The following BEND6 variants were observed in gnomAD, a reference collection of about 807,000 sequenced individuals.
BEND6 encodes the protein BEN domain containing 6, also known as BEN domain-containing protein 6.
A neutral mutation model predicts 31.8 loss-of-function variants in BEND6; 24 were observed. The ratio of observed to expected loss-of-function variants is 0.75; its 90% CI spans 0.55 to 1.06. The LOEUF is 1.06. BEND6 is among the 50% of genes least tolerant of loss of function. The probability of loss-of-function intolerance (pLI) is 0.00; values close to 1 mark genes in which losing one functional copy is unlikely to be tolerated. For synonymous variants in BEND6, 109 were observed against 114.6 expected, an observed-to-expected ratio of 0.95 and a Z score of 0.31; for missense variants, 294 against 327.4, an observed-to-expected ratio of 0.90 and a Z score of 0.79.
At chr6:56,960,853 T>C (rs1011993322) in intron 1 of BEND6, among the ~76,000 whole-genome samples, 13 of 152,244 alleles carry the variant, frequency 8.5e-5, no homozygotes, top group Non-Finnish European at 1.6e-4. Context: ...ATCTTTAAAA[T>C]GTTTTTGTAG....
intron 2 of BEND6, among the ~76,000 whole-genome samples, chr6:56,984,921 T>C (rs1826202365): frequency 6.6e-6 from 1 of 152,222 alleles, no homozygotes; most frequent in Non-Finnish European, 1.5e-5. Context: ...ATAAAAGTAA[T>C]TGGCTTTTTC....
At chr6:57,015,932 AC>A (rs1827545736) in intron 4 of BEND6, among the ~76,000 whole-genome samples, 1 of 152,152 alleles carries the variant, frequency 6.6e-6, no homozygotes, top group African/African-American at 2.4e-5. Flanking sequence ...CAATCTGAGA[AC>A]CAAAGGCATA....
intron 2 of BEND6, among the ~76,000 whole-genome samples, chr6:56,992,139 A>G (rs1826527813): frequency 6.6e-6 from 1 of 152,228 alleles, no homozygotes; most frequent in Non-Finnish European, 1.5e-5. Context: ...CACTGAAGTT[A>G]GGCAGAAATT....
chr6:56,993,399 A>T (rs1406890678), intron 3 of BEND6, among the ~76,000 whole-genome samples: 1 of 152,238 alleles, frequency 6.6e-6, no homozygotes, highest in African/African-American at 2.4e-5. Flanking sequence ...GGTACAAGAA[A>T]GTGAGGCAGA....
At chr6:56,968,312 C>CTTTTTTTTTTTTTTTTTTTTTTTTTTT (rs779756084) in intron 1 of BEND6, among the ~76,000 whole-genome samples, 5 of 65,988 alleles carry the variant, frequency 7.6e-5, no homozygotes, top group Non-Finnish European at 1.0e-4. Flanking sequence ...TCTTTCTTTT[C>CTTTTTTTTTTTTTTTTTTTTTTTTTTT]TTTTTTTTTT....
intron 3 of BEND6, chr6:57,004,775 T>A: frequency 2.0e-6 from 2 of 1,007,324 alleles, no homozygotes; most frequent in South Asian, 2.5e-5. Flanking sequence ...AATGAGCAGG[T>A]GAAATCCATC....
In BEND6 at chr6:57,021,183, G is replaced by A. The variant is rs937401686; in HGVS notation, c.*9+2626G>A. Among the ~76,000 whole-genome samples, 34 of 152,148 alleles carry A rather than the reference G, an allele frequency of 2.2e-4. 1 individual carries two copies. Among genetic ancestry groups the A allele is most frequent in the Non-Finnish European group, 4.4e-5 (3 of 68,028 alleles). ...GCAAATATCTTTCATTTTAAGTATG[G>A]TTGAATTCAAATTATTGCAAAAAGG... On this transcript the variant is annotated intron_variant, in intron 6 of 6. Coordinates refer to ENST00000370746, the MANE Select transcript of BEND6 (RefSeq NM_152731.3).
At chr6:56,970,780 T>G (rs963684893) in intron 1 of BEND6, among the ~76,000 whole-genome samples, 1 of 152,196 alleles carries the variant, frequency 6.6e-6, no homozygotes, top group African/African-American at 2.4e-5. Flanking sequence ...ATATTCTAAA[T>G]AAGGTCTGAT....
intron 3 of BEND6, among the ~76,000 whole-genome samples, chr6:57,000,856 C>T (rs996017420): frequency 1.5e-5 from 2 of 136,916 alleles, no homozygotes; most frequent in African/African-American, 2.8e-5. Context: ...GATTCTTGGG[C>T]ATTCAACCAA....
At chr6:56,997,968 TG>T (rs1826787857) in intron 3 of BEND6, among the ~76,000 whole-genome samples, 1 of 150,746 alleles carries the variant, frequency 6.6e-6, no homozygotes, top group African/African-American at 2.4e-5. Flanking sequence ...AGCGTGTGTG[TG>T]GGGGTGGGGG....
At chr6:56,989,523 G>A (rs1826413606) in intron 2 of BEND6, among the ~76,000 whole-genome samples, 1 of 152,170 alleles carries the variant, frequency 6.6e-6, no homozygotes, top group Admixed American at 6.6e-5. Flanking sequence ...AACTTTACAA[G>A]ATAATGTCAA....
chr6:56,987,159 T>C (rs145956264), intron 2 of BEND6, among the ~76,000 whole-genome samples: 1,528 of 152,140 alleles, frequency 0.01, 27 homozygotes, highest in African/African-American at 0.035. Context: ...TTTGTATTTT[T>C]AGTAGAGACG....
chr6:57,006,096 T>A (rs1408071827), intron 3 of BEND6, among the ~76,000 whole-genome samples: 1 of 152,220 alleles, frequency 6.6e-6, no homozygotes, highest in East Asian at 1.9e-4. Flanking sequence ...GTTCAAGCCC[T>A]GCTCTGCCAC....
At chr6:57,010,886 A>G (rs1827320774) in intron 3 of BEND6, 2 of 642,028 alleles carry the variant, frequency 3.1e-6, no homozygotes, top group Non-Finnish European at 3.9e-6. Context: ...TAAAATTAAA[A>G]GATAAACACT....
intron 3 of BEND6, among the ~76,000 whole-genome samples, chr6:56,997,716 G>C (rs934320160): frequency 3.9e-5 from 6 of 152,096 alleles, no homozygotes; most frequent in Non-Finnish European, 7.3e-5. Context: ...ACCACGCCTG[G>C]CTAATTTTTT....
At position 56,992,535 on chromosome 6, in the gene BEND6, A is replaced by G; in HGVS notation, c.278A>G (p.Gln93Arg). The change falls in exon 3 of 7, where the codon CAG becomes CGG. Residue 93 changes from glutamine (Q) to arginine (R), a missense_variant. By Grantham distance (43) the Gln-to-Arg change is conservative (BLOSUM62 1). Transcript: ENST00000370746. The stretch of plus-strand genomic sequence containing the variant: ...CGGAAAGAAAACAGCCGACTTCGAC[A>G]GTCTTTGGTCATGCTTCAAGGTAAA... ...NTRKENSRLR[Q>R]SLVMLQVLPQ... is the part of the protein sequence containing the mutation. 1 of 1,612,664 alleles carries G rather than the reference A, an allele frequency of 6.2e-7. No homozygotes were observed. Among genetic ancestry groups the G allele is most frequent in the African/African-American group, 1.3e-5 (1 of 74,798 alleles).
At chr6:56,982,001 T>C (rs1490601104) in intron 2 of BEND6, 71 bp downstream of exon 2, 35 of 1,444,628 alleles carry the variant, frequency 2.4e-5, no homozygotes, top group Middle Eastern at 2.2e-4. Context: ...TCTTTCATAA[T>C]TTATTAGTGC....
At position 57,001,018 on chromosome 6, in the gene BEND6, G is replaced by GA. The variant is rs981022055; in HGVS notation, c.298+8472dup. Among the ~76,000 whole-genome samples the GA allele has an allele frequency of 1.0e-3, 152 of 146,170 alleles. 1 individual carries two copies. In the East Asian group the frequency reaches 0.026, roughly 25 times the overall value. ...AAAAGAAAAAACATTTTAGGGAAAG[G>GA]AAAAAAAAAGAAAAAAATCATACCC... On this transcript the variant is annotated intron_variant, in intron 3 of 6. Coordinates refer to ENST00000370746, the MANE Select transcript of BEND6 (RefSeq NM_152731.3).
intron 6 of BEND6, among the ~76,000 whole-genome samples, chr6:57,019,183 A>G (rs1827661572): frequency 6.6e-6 from 1 of 152,216 alleles, no homozygotes; most frequent in Admixed American, 6.5e-5. Context: ...AAGAAAAAGA[A>G]TAATTTTTTA....
Sources: allele counts gnomAD v4.1 joint callset (sites outside exome capture counted in the v4.1 genomes callset), GRCh38; gene constraint gnomAD v4.1.1; transcripts MANE v1.5; gene names NCBI Gene and HGNC (gene_info 2026-07-23, HGNC 2026-07-21).